Variants in OTUD7A observed in about 807,000 individuals in gnomAD.
The protein encoded by OTUD7A is OTU domain-containing protein 7A.
OTUD7A carries 12 observed loss-of-function variants against 65.7 expected under a neutral mutation model. That is an observed-to-expected ratio of 0.18 (90% CI 0.12 to 0.30). The LOEUF (loss-of-function observed/expected upper bound fraction) is 0.30. Ranked by LOEUF, OTUD7A falls within the 10% of genes least tolerant of loss-of-function variation. The pLI, the probability that OTUD7A is intolerant of heterozygous loss-of-function variation, is 1.00. For missense variants in OTUD7A, 1,148 were observed against 1,304.8 expected, an observed-to-expected ratio of 0.88 and a Z score of 1.85; for synonymous variants, 641 against 586.3, an observed-to-expected ratio of 1.09 and a Z score of -1.35.
At chr15:31,728,592 CT>C (rs142872176) in intron 1 of OTUD7A, among the ~76,000 whole-genome samples, 3,245 of 152,324 alleles carry the variant, frequency 0.021, 143 homozygotes, top group African/African-American at 0.073. Context: ...GCTTTCTTCC[CT>C]CAACACTCTC....
At chr15:31,788,855 C>T (rs1895741770) in intron 1 of OTUD7A, among the ~76,000 whole-genome samples, 1 of 152,226 alleles carries the variant, frequency 6.6e-6, no homozygotes, top group Non-Finnish European at 1.5e-5. Context: ...ATCTTAACTG[C>T]TCCATCCTTC....
intron 1 of OTUD7A, among the ~76,000 whole-genome samples, chr15:31,733,984 C>A (rs1894118540): frequency 6.6e-6 from 1 of 152,010 alleles, no homozygotes. Context: ...TCAATTTTTT[C>A]AAAATTAACC....
rs905142458 is a variant in OTUD7A at position 31,481,713 on chromosome 15, T to G, written c.*1581A>C. On this transcript the variant is annotated 3_prime_UTR_variant, in exon 13 of 13. Coordinates refer to ENST00000307050, the MANE Select transcript of OTUD7A (RefSeq NM_001382637.1). ...AGATACTCAATTATTTTATTATAAT[T>G]TCTCAAACAAGTAAAAAAAATCCCC... The G allele has an allele frequency of 6.6e-6, 1 of 152,466 alleles. No individual in the cohort carries two copies. Among genetic ancestry groups the G allele is most frequent in the African/African-American group, 2.4e-5 (1 of 41,402 alleles). The allele number at this position is 152,466 out of a possible 1,614,324, so 9.4% of individuals were successfully genotyped here. A position where few individuals can be genotyped will look rare whatever the true frequency, so the allele number is the denominator to read the frequency against.
At chr15:31,505,025 A>T (rs548663073) in intron 8 of OTUD7A, among the ~76,000 whole-genome samples, 1 of 152,144 alleles carries the variant, frequency 6.6e-6, no homozygotes, top group East Asian at 1.9e-4. Context: ...CTTGAATATA[A>T]ATTTTTTTAG....
chr15:31,696,766 G>A (rs1428486404), intron 1 of OTUD7A, among the ~76,000 whole-genome samples: 3 of 152,036 alleles, frequency 2.0e-5, no homozygotes, highest in Non-Finnish European at 2.9e-5. Context: ...AGATGGGGGT[G>A]GGTGCCCACT....
intron 1 of OTUD7A, among the ~76,000 whole-genome samples, chr15:31,806,016 T>C (rs1896260498): frequency 6.6e-6 from 1 of 152,210 alleles, no homozygotes; most frequent in Non-Finnish European, 1.5e-5. Context: ...TTTTAAAGAT[T>C]TGTACATTTT....
chr15:31,818,084 A>C lies in OTUD7A; in HGVS notation c.-100+52423T>G, dbSNP rs1357438956. Among the ~76,000 whole-genome samples the C allele has an allele frequency of 3.3e-5, 5 of 152,170 alleles. No homozygotes were observed. In the South Asian group the frequency reaches 1.0e-3, roughly 31 times the overall value. On this transcript the variant is annotated intron_variant, in intron 1 of 12. Transcript: ENST00000307050. ...CCAACTGAGGAAACAGCAACAAGGCACCATCTATGGAGCAGAGAGCAAGGG... is the reference window on the plus strand; with the variant it reads ...CCAACTGAGGAAACAGCAACAAGGCCCCATCTATGGAGCAGAGAGCAAGGG...
rs1377074134 is a variant in OTUD7A at position 31,558,949 on chromosome 15, T to G, written c.550+20A>C. 4 of 1,613,152 alleles carry G rather than the reference T, an allele frequency of 2.5e-6. No homozygotes were observed. In the Admixed American group the frequency reaches 6.7e-5, roughly 27 times the overall value. On this transcript the variant is annotated intron_variant, in intron 5 of 12. Coordinates refer to ENST00000307050, the MANE Select transcript of OTUD7A (RefSeq NM_001382637.1). ...TCACCAAGCCTAAAGAGGGTGGGCC[T>G]GCTGGCAGGGGCAACTCACCTGCCT...
intron 1 of OTUD7A, among the ~76,000 whole-genome samples, chr15:31,673,381 G>T (rs1892528132): frequency 6.6e-6 from 1 of 152,180 alleles, no homozygotes; most frequent in South Asian, 2.1e-4. Context: ...CACTTGTTCT[G>T]ACTTGTAGAA....
Position 31,486,694 on chromosome 15 carries a change from G to A in OTUD7A, c.1371+500C>T, listed in dbSNP as rs142369575. Among the ~76,000 whole-genome samples the A allele has an allele frequency of 2.7e-3, 413 of 152,374 alleles. 1 individual carries two copies. Among genetic ancestry groups the A allele is most frequent in the African/African-American group, 9.6e-3 (400 of 41,598 alleles). On this transcript the variant is annotated intron_variant, in intron 12 of 12. Coordinates refer to ENST00000307050, the MANE Select transcript of OTUD7A (RefSeq NM_001382637.1). ...CTCCACCCACCAGTGTGCTGCCTCT[G>A]GGAGGGGAGGAAGGGGGCGCCGAGG...
chr15:31,512,651 A>T (rs2041773237), intron 8 of OTUD7A, among the ~76,000 whole-genome samples: 2 of 152,164 alleles, frequency 1.3e-5, no homozygotes, highest in Non-Finnish European at 2.9e-5. Context: ...AGAATTTTTT[A>T]AAAGAGGCAA....
At chr15:31,515,607 T>TACCCACCC (rs905565434) in intron 8 of OTUD7A, among the ~76,000 whole-genome samples, 1 of 143,402 alleles carries the variant, frequency 7.0e-6, no homozygotes, top group Admixed American at 7.1e-5. Flanking sequence ...TCTATCCATC[T>TACCCACCC]ACCCACCCAC....
intron 4 of OTUD7A, among the ~76,000 whole-genome samples, chr15:31,563,926 T>C (rs1888778731): frequency 6.7e-6 from 1 of 150,088 alleles, no homozygotes; most frequent in South Asian, 2.1e-4. Flanking sequence ...TCCAGCACAG[T>C]GAAGATGGAT....
intron 1 of OTUD7A, among the ~76,000 whole-genome samples, chr15:31,697,293 C>T (rs140146950): frequency 0.019 from 2,487 of 133,642 alleles, 164 homozygotes; most frequent in African/African-American, 0.065. Context: ...CTTAGAAAGG[C>T]CCTCCTTGGC....
In OTUD7A at chr15:31,482,829, C is replaced by T. The variant is rs2041148123; in HGVS notation, c.*465G>A. 1 of 152,126 alleles carries T rather than the reference C, an allele frequency of 6.6e-6. No individual in the cohort carries two copies. The highest frequency in any genetic ancestry group is 2.4e-5 in the African/African-American group (1 of 41,406). The allele number at this position is 152,126 out of a possible 1,614,324, so 9.4% of individuals were successfully genotyped here. The stretch of plus-strand genomic sequence containing the variant: ...GGTAGAGCTCACAGAGGAGCCTCCA[C>T]CGCAGCCCCGGGTGCGCGCTCGCTC... On this transcript the variant is annotated 3_prime_UTR_variant, in exon 13 of 13. Coordinates refer to ENST00000307050, the MANE Select transcript of OTUD7A (RefSeq NM_001382637.1).
chr15:31,495,581 C>T (rs1277082569), intron 10 of OTUD7A, among the ~76,000 whole-genome samples: 1 of 152,186 alleles, frequency 6.6e-6, no homozygotes, highest in East Asian at 1.9e-4. Context: ...TGCTCTGGGG[C>T]TCCTGAGAGG....
intron 3 of OTUD7A, among the ~76,000 whole-genome samples, chr15:31,579,851 T>G (rs907093870): frequency 5.9e-5 from 9 of 152,250 alleles, no homozygotes; most frequent in African/African-American, 2.2e-4. Context: ...AGTGCACGTG[T>G]GCATATCTGT....
intron 1 of OTUD7A, among the ~76,000 whole-genome samples, chr15:31,752,378 C>G (rs763421222): frequency 2.0e-5 from 3 of 152,072 alleles, no homozygotes; most frequent in Non-Finnish European, 4.4e-5. Context: ...GTAGGTTTTT[C>G]AAATAATTGT....
intron 4 of OTUD7A, 123 bp from the exon 5 acceptor site, chr15:31,559,310 G>T: frequency 1.1e-6 from 1 of 903,286 alleles, no homozygotes; most frequent in Non-Finnish European, 1.7e-6. Flanking sequence ...CATGCACACA[G>T]ACCACACACA....
Sources: gnomAD v4.1 joint callset for allele counts (sites outside exome capture counted in the v4.1 genomes callset) on GRCh38, gnomAD v4.1.1 for gene constraint, MANE v1.5 for transcripts, NCBI Gene and HGNC (gene_info 2026-07-23, HGNC 2026-07-21) for gene names.